Variants in PITPNC1 observed in about 807,000 individuals in gnomAD.
The protein encoded by PITPNC1 is cytoplasmic phosphatidylinositol transfer protein 1.
PITPNC1 carries 18 observed loss-of-function variants against 44.7 expected under a neutral mutation model. The observed-to-expected ratio is 0.40, with a 90% confidence interval of 0.28 to 0.60. The LOEUF (loss-of-function observed/expected upper bound fraction) is 0.60. PITPNC1 is among the 20% of genes least tolerant of loss of function. The probability of loss-of-function intolerance (pLI) is 0.39; values close to 1 mark genes in which losing one functional copy is unlikely to be tolerated. For missense variants in PITPNC1, 290 were observed against 418.4 expected, an observed-to-expected ratio of 0.69 and a Z score of 2.68; for synonymous variants, 141 against 149.6, an observed-to-expected ratio of 0.94 and a Z score of 0.42.
chr17:67,469,382 C>T (rs1357769844), intron 1 of PITPNC1, among the ~76,000 whole-genome samples: 3 of 152,176 alleles, frequency 2.0e-5, no homozygotes, highest in Non-Finnish European at 4.4e-5. Flanking sequence ...CCCTCAGCAC[C>T]GTATCACTCC....
At chr17:67,610,154 G>A (rs1405858663) in intron 5 of PITPNC1, among the ~76,000 whole-genome samples, 2 of 152,164 alleles carry the variant, frequency 1.3e-5, no homozygotes, top group African/African-American at 4.8e-5. Context: ...AGTGTTAAGT[G>A]CCAGCATTAC....
chr17:67,497,001 C>T (rs1350082920), intron 1 of PITPNC1, among the ~76,000 whole-genome samples: 1 of 151,678 alleles, frequency 6.6e-6, no homozygotes, highest in African/African-American at 2.4e-5. Context: ...TGGTGTGTGC[C>T]TGTGGTCCCA....
At chr17:67,484,482 T>C (rs972155532) in intron 1 of PITPNC1, among the ~76,000 whole-genome samples, 2 of 152,246 alleles carry the variant, frequency 1.3e-5, no homozygotes, top group African/African-American at 2.4e-5. Context: ...TATAATTCTC[T>C]CAGGGCTTCT....
At chr17:67,509,390 AGCTGGGTGTGGTGGTGCAC>A (rs1236569344) in intron 1 of PITPNC1, among the ~76,000 whole-genome samples, 3 of 151,332 alleles carry the variant, frequency 2.0e-5, no homozygotes, top group African/African-American at 7.3e-5. Context: ...TAAAATAAAT[AGCTGGGTGTGGTGGTGCAC>A]GCCTGTAATC....
At chr17:67,652,969 A>G (rs2042225608) in intron 6 of PITPNC1, among the ~76,000 whole-genome samples, 1 of 152,144 alleles carries the variant, frequency 6.6e-6, no homozygotes, top group Admixed American at 6.5e-5. Flanking sequence ...ATCCAGTATG[A>G]TGGGTGTCCT....
chr17:67,400,212 C>G (rs1224922474), intron 1 of PITPNC1, among the ~76,000 whole-genome samples: 1 of 152,188 alleles, frequency 6.6e-6, no homozygotes, highest in Non-Finnish European at 1.5e-5. Context: ...TCCGTGGGAT[C>G]TAACTTTGCC....
chr17:67,657,849 C>T lies in PITPNC1; in HGVS notation c.463-11659C>T, dbSNP rs140329548. Among the ~76,000 whole-genome samples, 872 of 152,326 alleles carry T rather than the reference C, an allele frequency of 5.7e-3. 5 individuals carry two copies. The highest frequency in any genetic ancestry group is 6.5e-3 in the Admixed American group (99 of 15,302). Reference sequence around the variant, plus strand: ...AACTGAAGTGAGCTGTCAGTCCCGACAATTCTCAACTGCTTTGGAAATGCA... The same window carrying T: ...AACTGAAGTGAGCTGTCAGTCCCGATAATTCTCAACTGCTTTGGAAATGCA... On this transcript the variant is annotated intron_variant, in intron 6 of 8. Transcript: ENST00000581322.
chr17:67,492,937 AG>A (rs2039883671), intron 1 of PITPNC1, among the ~76,000 whole-genome samples: 1 of 152,338 alleles, frequency 6.6e-6, no homozygotes, highest in African/African-American at 2.4e-5. Context: ...GCTACGACAA[AG>A]AGTGCTGTTA....
chr17:67,662,904 G>A (rs1365981407), intron 6 of PITPNC1, among the ~76,000 whole-genome samples: 1 of 152,160 alleles, frequency 6.6e-6, no homozygotes, highest in Non-Finnish European at 1.5e-5. Flanking sequence ...CCATGGACAT[G>A]ATTTCATTCT....
intron 6 of PITPNC1, among the ~76,000 whole-genome samples, chr17:67,663,632 C>T (rs2042380439): frequency 1.3e-5 from 2 of 152,046 alleles, no homozygotes. Flanking sequence ...CCTTGCAGAG[C>T]TTGACTGCCC....
At chr17:67,680,147 G>A (rs1236279248) in intron 8 of PITPNC1, among the ~76,000 whole-genome samples, 2 of 152,150 alleles carry the variant, frequency 1.3e-5, no homozygotes, top group Non-Finnish European at 2.9e-5. Context: ...AGCTGGTTGA[G>A]TTCACCAAGC....
intron 1 of PITPNC1, among the ~76,000 whole-genome samples, chr17:67,470,128 G>A (rs1163184079): frequency 1.3e-5 from 2 of 152,022 alleles, no homozygotes; most frequent in African/African-American, 4.8e-5. Flanking sequence ...TCACCATGTC[G>A]GCCAGGCTGT....
chr17:67,619,411 T>A (rs1598894492), intron 5 of PITPNC1, among the ~76,000 whole-genome samples: 1 of 152,282 alleles, frequency 6.6e-6, no homozygotes, highest in East Asian at 1.9e-4. Context: ...CCACGTTTTT[T>A]AATCGGCTCC....
intron 1 of PITPNC1, among the ~76,000 whole-genome samples, chr17:67,495,796 T>G (rs1335279849): frequency 6.6e-6 from 1 of 152,176 alleles, no homozygotes; most frequent in Non-Finnish European, 1.5e-5. Flanking sequence ...AACTGGCCAG[T>G]CCTGACCAAT....
chr17:67,548,894 C>CTGT (rs2040720177), intron 2 of PITPNC1, among the ~76,000 whole-genome samples: 1 of 152,110 alleles, frequency 6.6e-6, no homozygotes, highest in South Asian at 2.1e-4. Flanking sequence ...TGACAGTATA[C>CTGT]ATCATGAAAG....
intron 1 of PITPNC1, among the ~76,000 whole-genome samples, chr17:67,406,696 C>T (rs966074320): frequency 3.3e-5 from 5 of 151,906 alleles, no homozygotes; most frequent in African/African-American, 1.2e-4. Flanking sequence ...AAGCGATCCT[C>T]CTGCCTCAGC....
At chr17:67,578,971 G>A (rs542259302) in intron 5 of PITPNC1, among the ~76,000 whole-genome samples, 133 of 152,272 alleles carry the variant, frequency 8.7e-4, no homozygotes, top group African/African-American at 3.0e-3. Flanking sequence ...CACAGAGCGA[G>A]ACTCCATCTC....
chr17:67,619,186 G>C (rs929221436), intron 5 of PITPNC1, among the ~76,000 whole-genome samples: 1 of 152,168 alleles, frequency 6.6e-6, no homozygotes, highest in African/African-American at 2.4e-5. Context: ...TCCATGAAGG[G>C]GCCAGATTGA....
intron 2 of PITPNC1, among the ~76,000 whole-genome samples, chr17:67,537,094 A>C (rs550463569): frequency 6.6e-6 from 1 of 152,356 alleles, no homozygotes; most frequent in Admixed American, 6.5e-5. Flanking sequence ...ATCATGACCT[A>C]ATCAGATTTA....
Sources: gnomAD v4.1 joint callset for allele counts (sites outside exome capture counted in the v4.1 genomes callset) on GRCh38, gnomAD v4.1.1 for gene constraint, MANE v1.5 for transcripts, NCBI Gene and HGNC (gene_info 2026-07-23, HGNC 2026-07-21) for gene names.